CNTN5: variants seen among roughly 807,000 people sequenced by gnomAD.
The protein encoded by CNTN5 is contactin 5, also known as contactin-5.
In CNTN5, 77 loss-of-function variants were observed where a neutral mutation model predicts 129.1. The ratio of observed to expected loss-of-function variants is 0.60; its 90% CI spans 0.50 to 0.72. The LOEUF (loss-of-function observed/expected upper bound fraction) is 0.72. Among genes scored for constraint, CNTN5 ranks in the 30% least tolerant of loss-of-function variants. The pLI is 0.00. For missense variants in CNTN5, 1,478 were observed against 1,328.8 expected, an observed-to-expected ratio of 1.11 and a Z score of -1.75; for synonymous variants, 509 against 465.6, an observed-to-expected ratio of 1.09 and a Z score of -1.20.
intron 3 of CNTN5, among the ~76,000 whole-genome samples, chr11:99,598,283 TC>T (rs1950188897): frequency 3.5e-4 from 1 of 2,894 alleles, no homozygotes; most frequent in African/African-American, 9.3e-4. Flanking sequence ...TCTTTTCTTT[TC>T]TTTTCTTTTC....
At chr11:99,166,160 T>A (rs530060118) in intron 1 of CNTN5, among the ~76,000 whole-genome samples, 1 of 152,096 alleles carries the variant, frequency 6.6e-6, no homozygotes, top group Non-Finnish European at 1.5e-5. Flanking sequence ...TCCCAGCACT[T>A]TGGGAGGCCA....
At chr11:99,404,760 T>C (rs941356903) in intron 2 of CNTN5, among the ~76,000 whole-genome samples, 1 of 152,150 alleles carries the variant, frequency 6.6e-6, no homozygotes, top group African/African-American at 2.4e-5. Context: ...TCACCACAGT[T>C]ACAATGTCAT....
At chr11:99,969,368 C>T (rs1304661216) in intron 8 of CNTN5, among the ~76,000 whole-genome samples, 1 of 152,130 alleles carries the variant, frequency 6.6e-6, no homozygotes, top group Non-Finnish European at 1.5e-5. Flanking sequence ...ATGAACACAT[C>T]TTTCTTCATG....
chr11:100,231,205 G>A lies in CNTN5; in HGVS notation c.2005+6393G>A, dbSNP rs1315346020. On this transcript the variant is annotated intron_variant, in intron 16 of 24. Transcript: ENST00000524871. ...CATATCCATCAAAGGATCACAGCAGGAAAGGGACAGGATAAGATGTGTCTT... is the reference window on the plus strand; with the variant it reads ...CATATCCATCAAAGGATCACAGCAGAAAAGGGACAGGATAAGATGTGTCTT... Among the ~76,000 whole-genome samples, 5 of 152,200 alleles carry A rather than the reference G, an allele frequency of 3.3e-5. No homozygotes were observed. In the East Asian group the frequency reaches 9.6e-4, roughly 29 times the overall value.
chr11:99,800,790 T>C (rs550502080), intron 3 of CNTN5, among the ~76,000 whole-genome samples: 1 of 152,312 alleles, frequency 6.6e-6, no homozygotes, highest in African/African-American at 2.4e-5. Flanking sequence ...CTTAAGTCTT[T>C]TACACTGAAC....
At chr11:99,238,966 A>T (rs1349929571) in intron 1 of CNTN5, among the ~76,000 whole-genome samples, 1 of 152,102 alleles carries the variant, frequency 6.6e-6, no homozygotes, top group Non-Finnish European at 1.5e-5. Flanking sequence ...ACTACCTGTA[A>T]CTAATTCCTA....
At chr11:99,030,339 G>A (rs1043880121) in intron 1 of CNTN5, among the ~76,000 whole-genome samples, 1 of 152,086 alleles carries the variant, frequency 6.6e-6, no homozygotes, top group Non-Finnish European at 1.5e-5. Flanking sequence ...ATAAATATAT[G>A]TGGATACAAT....
chr11:100,029,693 GGA>G (rs1038475777), intron 9 of CNTN5, among the ~76,000 whole-genome samples: 13 of 152,118 alleles, frequency 8.5e-5, no homozygotes, highest in Admixed American at 6.6e-4. Flanking sequence ...GACTGACTGT[GGA>G]GTATTCTACC....
At chr11:100,275,272 A>G (rs924156410) in intron 18 of CNTN5, among the ~76,000 whole-genome samples, 15 of 152,318 alleles carry the variant, frequency 9.8e-5, no homozygotes, top group Admixed American at 9.1e-4. Context: ...CATCCATAAA[A>G]CCAGCCATGC....
In CNTN5 at chr11:99,551,466, A is replaced by G. The variant is rs933311926; in HGVS notation, c.-70-4679A>G. The stretch of plus-strand genomic sequence containing the variant: ...TAACTGGGGCAAATTAGCTTCATCA[A>G]TAAGAGATGTCCTAGAGATTGTGTA... On this transcript the variant is annotated intron_variant, in intron 2 of 24. Transcript: ENST00000524871. 2.6e-5 allele frequency among the ~76,000 whole-genome samples: 4 copies of G among 152,306 alleles called. No individual in the cohort carries two copies. In the South Asian group the frequency reaches 8.3e-4, roughly 32 times the overall value.
intron 2 of CNTN5, among the ~76,000 whole-genome samples, chr11:99,347,457 A>C (rs1676467111): frequency 6.6e-6 from 1 of 152,208 alleles, no homozygotes; most frequent in Non-Finnish European, 1.5e-5. Context: ...ATATAGAGAA[A>C]AACATAGGCT....
At chr11:100,267,548 G>T (rs1445777724) in intron 17 of CNTN5, among the ~76,000 whole-genome samples, 1 of 152,004 alleles carries the variant, frequency 6.6e-6, no homozygotes, top group African/African-American at 2.4e-5. Context: ...TTTATAAGAG[G>T]TATGAACTTA....
At chr11:100,063,380 GA>G (rs199747199) in intron 10 of CNTN5, among the ~76,000 whole-genome samples, 1,077 of 141,762 alleles carry the variant, frequency 7.6e-3, no homozygotes, top group Middle Eastern at 0.041. Flanking sequence ...ACTTTGAATA[GA>G]AAAAAAAAAA....
At chr11:99,056,846 G>A (rs1864643873) in intron 1 of CNTN5, among the ~76,000 whole-genome samples, 1 of 152,032 alleles carries the variant, frequency 6.6e-6, no homozygotes, top group Admixed American at 6.6e-5. Flanking sequence ...ATATTTACAA[G>A]ATCATTACCT....
At chr11:99,266,014 T>C (rs574761701) in intron 1 of CNTN5, among the ~76,000 whole-genome samples, 1 of 152,100 alleles carries the variant, frequency 6.6e-6, no homozygotes, top group African/African-American at 2.4e-5. Flanking sequence ...GTACAAGATA[T>C]AGGAAGAACA....
At chr11:99,776,864 T>G (rs1260453337) in intron 3 of CNTN5, among the ~76,000 whole-genome samples, 2 of 151,882 alleles carry the variant, frequency 1.3e-5, no homozygotes, top group African/African-American at 4.8e-5. Context: ...CAAGACTACT[T>G]AAACCTCTTT....
intron 13 of CNTN5, among the ~76,000 whole-genome samples, chr11:100,187,035 T>A (rs2138482222): frequency 6.6e-6 from 1 of 152,260 alleles, no homozygotes; most frequent in Non-Finnish European, 1.5e-5. Flanking sequence ...ATTGTGGAAT[T>A]TTTTTTCCAT....
chr11:99,782,832 A>G (rs895524084), intron 3 of CNTN5, among the ~76,000 whole-genome samples: 5 of 151,886 alleles, frequency 3.3e-5, no homozygotes, highest in African/African-American at 7.3e-5. Flanking sequence ...TCAATTCAAG[A>G]TGGATTAAAG....
At chr11:99,869,417 A>T (rs146218068) in intron 6 of CNTN5, among the ~76,000 whole-genome samples, 116 of 152,308 alleles carry the variant, frequency 7.6e-4, no homozygotes, top group African/African-American at 2.6e-3. Context: ...TTTTGAATAT[A>T]TCTTACATTA....
Sources: allele counts gnomAD v4.1 joint callset (sites outside exome capture counted in the v4.1 genomes callset), GRCh38; gene constraint gnomAD v4.1.1; transcripts MANE v1.5; gene names NCBI Gene and HGNC (gene_info 2026-07-23, HGNC 2026-07-21).